The following XKR9 variants were observed in gnomAD, a reference collection of about 807,000 sequenced individuals.
XKR9 encodes XK-related protein 9.
Under a neutral mutation model 32.0 loss-of-function variants are expected in XKR9, and 32 were observed. That is an observed-to-expected ratio of 1.00 (90% CI 0.76 to 1.34). The LOEUF (loss-of-function observed/expected upper bound fraction) is 1.34, where lower values mean the gene tolerates loss of function less well. Ranked by LOEUF, XKR9 falls within the 40% of genes most tolerant of loss-of-function variation. The pLI is 0.00. For missense variants in XKR9, 546 were observed against 429.7 expected (o/e 1.27, Z -2.39); for synonymous variants, 168 against 143.4 (o/e 1.17, Z -1.22).
chr8:70,722,229 A>G (rs1321752136), intron 4 of XKR9, among the ~76,000 whole-genome samples: 2 of 151,674 alleles, frequency 1.3e-5, no homozygotes, highest in Non-Finnish European at 2.9e-5. Flanking sequence ...TGGCACATGG[A>G]TGGGTCTTGA....
At chr8:70,783,277 A>C (rs1315124060) in intron 2 of XKR9, among the ~76,000 whole-genome samples, 1 of 149,204 alleles carries the variant, frequency 6.7e-6, no homozygotes, top group East Asian at 2.0e-4. Flanking sequence ...CCCAGGCTGG[A>C]GTGCAGTGGC....
chr8:70,935,919 A>G, the XKR9 span, among the ~76,000 whole-genome samples: 3 of 152,184 alleles, frequency 2.0e-5, no homozygotes, highest in Middle Eastern at 3.4e-3. Flanking sequence ...ATCTATACAA[A>G]AAACCAAAGA....
At chr8:70,696,768 T>G (rs1805293554) in intron 3 of XKR9, among the ~76,000 whole-genome samples, 1 of 151,452 alleles carries the variant, frequency 6.6e-6, no homozygotes, top group Non-Finnish European at 1.5e-5. Context: ...ATAAATTACC[T>G]TGGGCAGTAT....
rs147466084 is a variant in XKR9, at chr8:70,758,083, C to G, written n.353-31256C>G. On this transcript the variant is annotated intron_variant and non_coding_transcript_variant, in intron 2 of 3. Transcript: ENST00000520273. ...TAATATGACTACTCTGGGCACTACC[C>G]TGGGACTGGTTATTGTTAGTTTCTT... Among the ~76,000 whole-genome samples the G allele has an allele frequency of 2.5e-3, 377 of 152,184 alleles. 3 individuals are homozygous for G. The highest frequency in any genetic ancestry group is 7.8e-3 in the African/African-American group (323 of 41,534).
At chr8:70,749,466 G>A (rs1807104051) in intron 2 of XKR9, among the ~76,000 whole-genome samples, 1 of 152,158 alleles carries the variant, frequency 6.6e-6, no homozygotes, top group Non-Finnish European at 1.5e-5. Flanking sequence ...TTGTCTAGAT[G>A]TTGCTGCCTG....
the XKR9 span, among the ~76,000 whole-genome samples, chr8:70,998,979 C>A: frequency 1.1e-4 from 16 of 152,198 alleles, no homozygotes; most frequent in East Asian, 3.1e-3. Flanking sequence ...TTCAACCAAC[C>A]GCAGATGAAA....
intron 2 of XKR9, among the ~76,000 whole-genome samples, chr8:70,747,226 G>T (rs116864343): frequency 6.6e-6 from 1 of 152,088 alleles, no homozygotes; most frequent in African/African-American, 2.4e-5. Context: ...ACATGAGTGC[G>T]GGTGACTTTT....
chr8:70,995,175 G>A, the XKR9 span, among the ~76,000 whole-genome samples: 1 of 152,174 alleles, frequency 6.6e-6, no homozygotes, highest in Non-Finnish European at 1.5e-5. Context: ...GAAACGATAA[G>A]TGGCTGAGAG....
At chr8:70,714,585 CTT>C (rs1328134472) in intron 4 of XKR9, among the ~76,000 whole-genome samples, 2 of 151,994 alleles carry the variant, frequency 1.3e-5, no homozygotes, top group African/African-American at 2.4e-5. Flanking sequence ...AACATCATAA[CTT>C]ATTGATAAAA....
chr8:71,017,596 T>C, the XKR9 span, among the ~76,000 whole-genome samples: 2 of 152,176 alleles, frequency 1.3e-5, no homozygotes, highest in Admixed American at 6.5e-5. Context: ...GGGGTGTTGA[T>C]GGTTTAGCAG....
At chr8:70,852,840 G>A in the XKR9 span, among the ~76,000 whole-genome samples, 1 of 152,040 alleles carries the variant, frequency 6.6e-6, no homozygotes, top group Non-Finnish European at 1.5e-5. Flanking sequence ...ACATTCTGGG[G>A]TCCATTGGCA....
chr8:71,058,379 CCT>C, the XKR9 span, among the ~76,000 whole-genome samples: 3 of 152,106 alleles, frequency 2.0e-5, no homozygotes, highest in Admixed American at 1.3e-4. Flanking sequence ...ACAGTCACTA[CCT>C]CTGTTTGACT....
intron 4 of XKR9, among the ~76,000 whole-genome samples, chr8:70,726,178 ATG>A (rs894029219): frequency 6.6e-6 from 1 of 152,218 alleles, no homozygotes; most frequent in Non-Finnish European, 1.5e-5. Flanking sequence ...GGTTGGAAGA[ATG>A]GTGAAATCAT....
intron 4 of XKR9, among the ~76,000 whole-genome samples, chr8:70,719,070 A>T (rs943432605): frequency 6.6e-6 from 1 of 152,162 alleles, no homozygotes; most frequent in African/African-American, 2.4e-5. Context: ...ATGACCAGTT[A>T]TGATGAGTTT....
chr8:70,853,810 G>A, the XKR9 span, among the ~76,000 whole-genome samples: 1 of 152,148 alleles, frequency 6.6e-6, no homozygotes, highest in African/African-American at 2.4e-5. Flanking sequence ...GGTTTGCTGA[G>A]AATGATGGTT....
At chr8:70,878,326 G>A in the XKR9 span, among the ~76,000 whole-genome samples, 3 of 152,268 alleles carry the variant, frequency 2.0e-5, no homozygotes, top group African/African-American at 7.2e-5. Flanking sequence ...AAATGTAAAT[G>A]TGCTGAATGC....
chr8:70,790,819 A>G (rs144028267), downstream of XKR9, among the ~76,000 whole-genome samples: 323 of 152,166 alleles, frequency 2.1e-3, 1 homozygote, highest in Admixed American at 4.5e-3. Flanking sequence ...ACGGAAATTT[A>G]TTGCTCACAG....
chr8:70,714,288 T>C (rs1267080486), intron 4 of XKR9, among the ~76,000 whole-genome samples: 1 of 152,060 alleles, frequency 6.6e-6, no homozygotes, highest in Non-Finnish European at 1.5e-5. Flanking sequence ...ATACAGTCCA[T>C]AAAAGATATT....
chr8:70,756,430 A>G (rs1030488267), intron 2 of XKR9, among the ~76,000 whole-genome samples: 2 of 152,200 alleles, frequency 1.3e-5, no homozygotes, highest in Admixed American at 6.5e-5. Flanking sequence ...TAGGGCTTGC[A>G]TTGAATCTAT....
Sources: allele counts gnomAD v4.1 joint callset (sites outside exome capture counted in the v4.1 genomes callset), GRCh38; gene constraint gnomAD v4.1.1; transcripts MANE v1.5; gene names NCBI Gene and HGNC (gene_info 2026-07-23, HGNC 2026-07-21).